The following BICD1 variants were observed in gnomAD, a reference collection of about 807,000 sequenced individuals.
The protein encoded by BICD1 is protein bicaudal D homolog 1.
Under a neutral mutation model 92.5 loss-of-function variants are expected in BICD1, and 35 were observed. The observed-to-expected ratio is 0.38, with a 90% CI of 0.29 to 0.50. The LOEUF (loss-of-function observed/expected upper bound fraction) is 0.50. BICD1 is among the 20% of genes least tolerant of loss of function. BICD1 has a pLI of 0.93. For missense variants in BICD1, 950 were observed against 1,189.8 expected, an observed-to-expected ratio of 0.80 and a Z score of 2.97; for synonymous variants, 429 against 465.1, an observed-to-expected ratio of 0.92 and a Z score of 1.00.
chr12:32,131,727 A>G (rs1333193096), intron 1 of BICD1, among the ~76,000 whole-genome samples: 1 of 152,246 alleles, frequency 6.6e-6, no homozygotes, highest in African/African-American at 2.4e-5. Flanking sequence ...GATCGTAAAT[A>G]AGAAAAATTA....
chr12:32,285,834 C>G (rs900249151), intron 2 of BICD1, among the ~76,000 whole-genome samples: 3 of 151,948 alleles, frequency 2.0e-5, no homozygotes, highest in Non-Finnish European at 2.9e-5. Context: ...GCCATCTTAT[C>G]CCAGGAAGAA....
chr12:32,238,458 G>A (rs1056030976), intron 2 of BICD1, among the ~76,000 whole-genome samples: 4 of 152,246 alleles, frequency 2.6e-5, no homozygotes, highest in South Asian at 2.1e-4. Flanking sequence ...GAAAGTTGTC[G>A]AAATGACACC....
chr12:32,212,666 C>T (rs992979358), intron 1 of BICD1, among the ~76,000 whole-genome samples: 2 of 152,186 alleles, frequency 1.3e-5, no homozygotes, highest in East Asian at 3.8e-4. Context: ...TCAAGTGATC[C>T]ACCACCTCAG....
chr12:32,327,434 T>C (rs1465876835), intron 4 of BICD1, 27 bp from the exon 5 acceptor site: 6 of 1,574,888 alleles, frequency 3.8e-6, no homozygotes, highest in Non-Finnish European at 4.3e-6. Flanking sequence ...CTTGAGGTGA[T>C]TCAGAAACTT....
chr12:32,118,089 TTA>T (rs1942008150), intron 1 of BICD1, among the ~76,000 whole-genome samples: 1 of 148,594 alleles, frequency 6.7e-6, no homozygotes. Context: ...TTTATTTTAT[TTA>T]TTTTTTTTGA....
intron 9 of BICD1, among the ~76,000 whole-genome samples, chr12:32,374,989 G>A (rs1472835429): frequency 1.8e-5 from 1 of 55,984 alleles, no homozygotes; most frequent in Non-Finnish European, 3.7e-5. Flanking sequence ...CGCGATCTCG[G>A]CTCACTGCAA....
At chr12:32,367,510 T>C (rs1390625074) in intron 8 of BICD1, 160 bp from the exon 9 acceptor site, 4 of 570,604 alleles carry the variant, frequency 7.0e-6, no homozygotes, top group African/African-American at 1.9e-5. Flanking sequence ...TCTTTTCTAT[T>C]GGCATCATTC....
At position 32,138,767 on chromosome 12, in the gene BICD1, CTT is replaced by C. The variant is rs553977153; in HGVS notation, c.213+31224_213+31225del. ...TTAGGCGTATTAAATGTATTTTTGACTTATGATATTTTTCAAACTATGATGGG... is the reference window on the plus strand; with the variant it reads ...TTAGGCGTATTAAATGTATTTTTGACATGATATTTTTCAAACTATGATGGG... On this transcript the variant is annotated intron_variant, in intron 1 of 9. Transcript: ENST00000652176. Among the ~76,000 whole-genome samples the C allele has an allele frequency of 1.1e-3, 172 of 152,200 alleles. 1 individual carries two copies. The highest frequency in any genetic ancestry group is 3.8e-3 in the African/African-American group (157 of 41,536).
At chr12:32,163,136 C>T (rs1394998201) in intron 1 of BICD1, among the ~76,000 whole-genome samples, 1 of 151,962 alleles carries the variant, frequency 6.6e-6, no homozygotes, top group Non-Finnish European at 1.5e-5. Context: ...AGGATTGTTC[C>T]AGTATTTCTA....
chr12:32,278,649 C>G lies in BICD1; in HGVS notation c.427-15345C>G, dbSNP rs1007356785. ...CCGGCGGATCACGAGGTCAGGAGAT[C>G]GAGACCATCCTGGCTAACACAGTGA... is the stretch of plus-strand genomic sequence containing the variant. On this transcript the variant is annotated intron_variant, in intron 2 of 9. Coordinates refer to ENST00000652176, the MANE Select transcript of BICD1 (RefSeq NM_001714.4). 3.3e-5 allele frequency among the ~76,000 whole-genome samples: 5 copies of G among 152,160 alleles called. No individual in the cohort carries two copies. In the East Asian group the frequency reaches 7.7e-4, roughly 24 times the overall value.
At chr12:32,195,713 T>G (rs1944707035) in intron 1 of BICD1, among the ~76,000 whole-genome samples, 1 of 152,210 alleles carries the variant, frequency 6.6e-6, no homozygotes, top group African/African-American at 2.4e-5. Context: ...AACCTTGGTC[T>G]TGGCAATGAT....
chr12:32,122,512 A>G (rs1000264106), intron 1 of BICD1, among the ~76,000 whole-genome samples: 1 of 151,548 alleles, frequency 6.6e-6, no homozygotes, highest in Non-Finnish European at 1.5e-5. Flanking sequence ...AACAAATAAC[A>G]AAAAAAGAAG....
intron 2 of BICD1, among the ~76,000 whole-genome samples, chr12:32,223,122 A>G (rs1160396568): frequency 6.6e-6 from 1 of 152,180 alleles, no homozygotes; most frequent in Non-Finnish European, 1.5e-5. Context: ...CTTGCACTTT[A>G]TGTTATGGAG....
intron 8 of BICD1, among the ~76,000 whole-genome samples, chr12:32,345,453 T>C (rs1938530973): frequency 6.6e-6 from 1 of 152,108 alleles, no homozygotes; most frequent in Non-Finnish European, 1.5e-5. Context: ...CCACCCAACC[T>C]TTTGTATTTT....
chr12:32,383,445 C>T lies in BICD1; in HGVS notation c.*5818C>T, dbSNP rs1317299235. On this transcript the variant is annotated 3_prime_UTR_variant, in exon 10 of 10. Transcript: ENST00000652176. ...AAGTGAATAATGTCTCATGGGAGAA[C>T]ACATGATATGTGCTTGTATTTGTGT... 6.6e-6 allele frequency: 1 copy of T among 152,070 alleles called. No individual in the cohort carries two copies. The highest frequency in any genetic ancestry group is 1.5e-5 in the Non-Finnish European group (1 of 67,990). The allele number at this position is 152,070 out of a possible 1,614,324, so 9.4% of individuals were successfully genotyped here. A position where few individuals can be genotyped will look rare whatever the true frequency, so the allele number is the denominator to read the frequency against.
At position 32,326,080 on chromosome 12, in the gene BICD1, CAAAAAA is replaced by C. The variant is rs372956491; in HGVS notation, c.1006-1365_1006-1360del. Among the ~76,000 whole-genome samples, 36 of 66,498 alleles carry C rather than the reference CAAAAAA, an allele frequency of 5.4e-4. 1 individual carries two copies. Among genetic ancestry groups the C allele is most frequent in the Admixed American group, 3.4e-3 (17 of 4,966 alleles). 43.6% of individuals were successfully genotyped at this position (66,498 alleles called of 152,430 possible). A position where few individuals can be genotyped will look rare whatever the true frequency, so the allele number is the denominator to read the frequency against. Reference sequence around the variant, plus strand: ...CCTGGGAGAGAGTGAGACTCCATCTCAAAAAAAAAAAAAAAAAAAAAGAAAGTTTGA... The same window carrying C: ...CCTGGGAGAGAGTGAGACTCCATCTCAAAAAAAAAAAAAAAGAAAGTTTGA... On this transcript the variant is annotated intron_variant, in intron 4 of 9. Transcript: ENST00000652176.
intron 1 of BICD1, among the ~76,000 whole-genome samples, chr12:32,116,684 A>T (rs1174668566): frequency 2.7e-5 from 4 of 147,024 alleles, no homozygotes; most frequent in African/African-American, 1.0e-4. Flanking sequence ...TATGCTGGCT[A>T]TTTTTTTTTT....
At chr12:32,126,843 C>T (rs1942362516) in intron 1 of BICD1, among the ~76,000 whole-genome samples, 1 of 152,112 alleles carries the variant, frequency 6.6e-6, no homozygotes, top group Non-Finnish European at 1.5e-5. Context: ...ACCTTTGGCT[C>T]CACATCCTTG....
chr12:32,192,437 A>AATAG (rs1944598021), intron 1 of BICD1, among the ~76,000 whole-genome samples: 1 of 141,386 alleles, frequency 7.1e-6, no homozygotes, highest in Non-Finnish European at 1.5e-5. Flanking sequence ...CTGTTAAATA[A>AATAG]ATAAATAAAT....
Sources: gnomAD v4.1 joint callset for allele counts (sites outside exome capture counted in the v4.1 genomes callset) on GRCh38, gnomAD v4.1.1 for gene constraint, MANE v1.5 for transcripts, NCBI Gene and HGNC (gene_info 2026-07-23, HGNC 2026-07-21) for gene names.